SLIT3: variants seen among roughly 807,000 people sequenced by gnomAD.
The protein encoded by SLIT3 is slit guidance ligand 3, also known as slit homolog 3 protein.
Under a neutral mutation model 184.0 loss-of-function variants are expected in SLIT3, and 68 were observed. That is an observed-to-expected ratio of 0.37 (90% CI 0.30 to 0.45). The LOEUF (loss-of-function observed/expected upper bound fraction) is 0.45. SLIT3 is among the 20% of genes least tolerant of loss of function. The pLI is 1.00. For missense variants in SLIT3, 1,707 were observed against 2,026.0 expected (o/e 0.84, Z 3.02); for synonymous variants, 831 against 828.6 (o/e 1.00, Z -0.05).
At chr5:169,217,112 A>G (rs1006376336) in intron 3 of SLIT3, among the ~76,000 whole-genome samples, 2 of 144,536 alleles carry the variant, frequency 1.4e-5, no homozygotes, top group Non-Finnish European at 1.5e-5. Flanking sequence ...ACTCGTTTGG[A>G]CAAGACCTTG....
intron 4 of SLIT3, among the ~76,000 whole-genome samples, chr5:168,996,908 A>G (rs1229100608): frequency 6.6e-6 from 1 of 151,922 alleles, no homozygotes; most frequent in Non-Finnish European, 1.5e-5. Context: ...TGTGTGGGAG[A>G]ATGTGGCTCA....
chr5:169,078,564 T>C (rs1487766992), intron 4 of SLIT3, among the ~76,000 whole-genome samples: 5 of 152,322 alleles, frequency 3.3e-5, no homozygotes, highest in Admixed American at 2.6e-4. Flanking sequence ...CTCATTTCCT[T>C]GTTTTCCTTG....
At chr5:169,003,341 T>A (rs937570556) in intron 4 of SLIT3, among the ~76,000 whole-genome samples, 2 of 152,236 alleles carry the variant, frequency 1.3e-5, no homozygotes, top group African/African-American at 4.8e-5. Flanking sequence ...CCAAAGCTCA[T>A]GTGGCCTTGA....
intron 1 of SLIT3, among the ~76,000 whole-genome samples, chr5:169,289,963 A>G (rs1767286826): frequency 1.3e-5 from 2 of 152,014 alleles, no homozygotes; most frequent in African/African-American, 4.8e-5. Flanking sequence ...GCTAAGGCAC[A>G]CACTAGGGAA....
chr5:168,943,431 C>T (rs188798062), intron 4 of SLIT3, among the ~76,000 whole-genome samples: 133 of 152,312 alleles, frequency 8.7e-4, no homozygotes, highest in Non-Finnish European at 2.6e-4. Context: ...ATGAACTGAA[C>T]GTACTTTGTG....
intron 16 of SLIT3, among the ~76,000 whole-genome samples, chr5:168,757,095 A>G (rs1025496483): frequency 3.3e-5 from 5 of 152,160 alleles, no homozygotes; most frequent in Non-Finnish European, 7.3e-5. Flanking sequence ...TGGGGCAAAC[A>G]CTCCAGAAAC....
At chr5:169,210,965 G>T (rs1764246646) in intron 3 of SLIT3, among the ~76,000 whole-genome samples, 1 of 152,178 alleles carries the variant, frequency 6.6e-6, no homozygotes. Context: ...GTGTGAGTGT[G>T]ATGTGAGCAG....
At chr5:169,264,415 C>T (rs1766320773) in intron 1 of SLIT3, among the ~76,000 whole-genome samples, 1 of 152,138 alleles carries the variant, frequency 6.6e-6, no homozygotes, top group African/African-American at 2.4e-5. Flanking sequence ...AAACTCCTGA[C>T]CTCAAACCCA....
At chr5:168,742,622 G>A (rs528521210) in intron 20 of SLIT3, among the ~76,000 whole-genome samples, 39 of 127,138 alleles carry the variant, frequency 3.1e-4, no homozygotes, top group African/African-American at 1.1e-3. Flanking sequence ...AGTCATGACA[G>A]TGATAACAAT....
intron 1 of SLIT3, among the ~76,000 whole-genome samples, chr5:169,285,556 G>A (rs1408464174): frequency 1.3e-5 from 2 of 152,154 alleles, no homozygotes; most frequent in Admixed American, 1.3e-4. Flanking sequence ...CAGAGCCACA[G>A]AGCAGAGCAG....
intron 4 of SLIT3, among the ~76,000 whole-genome samples, chr5:168,952,443 C>T (rs1762679106): frequency 6.6e-6 from 1 of 150,656 alleles, no homozygotes. Context: ...CAAGTGGCTG[C>T]ATTCTGCACC....
intron 4 of SLIT3, among the ~76,000 whole-genome samples, chr5:169,184,882 T>C (rs982782977): frequency 2.0e-5 from 3 of 152,198 alleles, no homozygotes; most frequent in Non-Finnish European, 2.9e-5. Flanking sequence ...TTCAGATACA[T>C]ACTAAAGTTT....
chr5:168,712,387 A>G (rs1257848490), intron 23 of SLIT3, 33 bp from the exon 24 acceptor site: 1 of 1,599,292 alleles, frequency 6.3e-7, no homozygotes, highest in Non-Finnish European at 8.6e-7. Context: ...GAAGGTTAGC[A>G]TCCACTAATT....
At chr5:168,707,902 G>GT (rs1762424025) in intron 26 of SLIT3, 74 bp downstream of exon 26, 1 of 1,578,548 alleles carries the variant, frequency 6.3e-7, no homozygotes, top group East Asian at 2.2e-5. Flanking sequence ...GCAGGGCATG[G>GT]TGCCCCTCTC....
At chr5:169,197,878 A>C (rs1007264852) in intron 3 of SLIT3, among the ~76,000 whole-genome samples, 1 of 152,192 alleles carries the variant, frequency 6.6e-6, no homozygotes, top group Admixed American at 6.5e-5. Context: ...ATTGAGAAGC[A>C]CTAAGAAATA....
At chr5:168,705,349 G>A (rs1762343880) in intron 26 of SLIT3, among the ~76,000 whole-genome samples, 1 of 152,128 alleles carries the variant, frequency 6.6e-6, no homozygotes, top group African/African-American at 2.4e-5. Context: ...GAGTATGCAA[G>A]ATAATACATG....
intron 12 of SLIT3, 95 bp downstream of exon 12, chr5:168,785,812 A>G: frequency 1.2e-6 from 1 of 866,186 alleles, no homozygotes. Context: ...GTCTGCAGAA[A>G]GTCAAAAGAA....
chr5:168,849,580 A>G (rs1465637210), intron 5 of SLIT3, among the ~76,000 whole-genome samples: 1 of 152,222 alleles, frequency 6.6e-6, no homozygotes, highest in Non-Finnish European at 1.5e-5. Context: ...ACATAGTACT[A>G]TTAGATGTTC....
At chr5:169,260,520 G>A (rs1443111531) in intron 1 of SLIT3, among the ~76,000 whole-genome samples, 2 of 152,172 alleles carry the variant, frequency 1.3e-5, no homozygotes, top group African/African-American at 2.4e-5. Context: ...CTTTATGACT[G>A]TCCATTTCTT....
Sources: gnomAD v4.1 joint callset for allele counts (sites outside exome capture counted in the v4.1 genomes callset) on GRCh38, gnomAD v4.1.1 for gene constraint, MANE v1.5 for transcripts, NCBI Gene and HGNC (gene_info 2026-07-23, HGNC 2026-07-21) for gene names.